Variants in NCKAP5 observed in about 807,000 individuals in gnomAD.
The protein encoded by NCKAP5 is NCK associated protein 5, also known as nck-associated protein 5.
In NCKAP5, 92 loss-of-function variants were observed where a neutral mutation model predicts 167.0. That is an observed-to-expected ratio of 0.55 (90% CI 0.47 to 0.66). The LOEUF (loss-of-function observed/expected upper bound fraction) is 0.66. Among genes scored for constraint, NCKAP5 ranks in the 30% least tolerant of loss-of-function variants. The probability of loss-of-function intolerance (pLI) is 0.00; values close to 1 mark genes in which losing one functional copy is unlikely to be tolerated. For synonymous variants in NCKAP5, 891 were observed against 877.4 expected, an observed-to-expected ratio of 1.02 and a Z score of -0.27; for missense variants, 2,378 against 2,315.0, an observed-to-expected ratio of 1.03 and a Z score of -0.56.
intron 10 of NCKAP5, among the ~76,000 whole-genome samples, chr2:132,864,352 G>A (rs1690171854): frequency 1.3e-5 from 2 of 149,958 alleles, no homozygotes; most frequent in East Asian, 1.9e-4. Context: ...TTAATATCAT[G>A]AAAAAAAAAA....
At chr2:132,959,271 G>GA (rs1336653794) in intron 8 of NCKAP5, among the ~76,000 whole-genome samples, 1 of 151,984 alleles carries the variant, frequency 6.6e-6, no homozygotes, top group East Asian at 1.9e-4. Context: ...TAATTGAGTA[G>GA]AAAAAGCTGT....
At chr2:132,932,063 C>A (rs527927849) in intron 8 of NCKAP5, among the ~76,000 whole-genome samples, 6 of 152,328 alleles carry the variant, frequency 3.9e-5, no homozygotes, top group African/African-American at 1.4e-4. Flanking sequence ...AGTTCCCACT[C>A]AGGGCGCTCC....
At chr2:132,962,365 G>A (rs1391002150) in intron 8 of NCKAP5, among the ~76,000 whole-genome samples, 1 of 151,862 alleles carries the variant, frequency 6.6e-6, no homozygotes, top group Non-Finnish European at 1.5e-5. Context: ...AGAGGCATGG[G>A]GAGCCTAAGT....
At chr2:132,998,577 C>A (rs573965036) in intron 6 of NCKAP5, among the ~76,000 whole-genome samples, 13 of 152,172 alleles carry the variant, frequency 8.5e-5, no homozygotes, top group African/African-American at 2.9e-4. Flanking sequence ...TAAGAATATG[C>A]CATTATTTAC....
chr2:133,397,250 A>G (rs1299737772), intron 3 of NCKAP5, among the ~76,000 whole-genome samples: 1 of 152,200 alleles, frequency 6.6e-6, no homozygotes, highest in Non-Finnish European at 1.5e-5. Context: ...CTGTTCACCC[A>G]ACTCTATAGA....
chr2:133,477,874 T>C (rs1256659918), intron 3 of NCKAP5, among the ~76,000 whole-genome samples: 2 of 152,188 alleles, frequency 1.3e-5, no homozygotes, highest in African/African-American at 4.8e-5. Flanking sequence ...TTTTTCAGGC[T>C]ACTCAGAAAG....
At chr2:132,716,589 C>T (rs900412148) in intron 19 of NCKAP5, among the ~76,000 whole-genome samples, 12 of 151,950 alleles carry the variant, frequency 7.9e-5, no homozygotes, top group African/African-American at 2.4e-4. Flanking sequence ...GGGGGTAACA[C>T]TGGGGGTTCG....
At chr2:133,574,220 G>A in the NCKAP5 span, among the ~76,000 whole-genome samples, 1 of 152,182 alleles carries the variant, frequency 6.6e-6, no homozygotes, top group Non-Finnish European at 1.5e-5. Context: ...TGTTGACAGT[G>A]GGTTCCCTGT....
At chr2:133,647,985 C>T in the NCKAP5 span, among the ~76,000 whole-genome samples, 2 of 151,876 alleles carry the variant, frequency 1.3e-5, no homozygotes, top group East Asian at 3.9e-4. Context: ...TAAATGCTGT[C>T]TATAAGAAAT....
At chr2:133,122,835 T>C (rs1266127714) in intron 6 of NCKAP5, 1 of 152,222 alleles carries the variant, frequency 6.6e-6, no homozygotes, top group Non-Finnish European at 1.5e-5. Context: ...AATGTGAAAT[T>C]ATTACTTCAC....
At chr2:133,147,492 G>C (rs1164795643) in intron 5 of NCKAP5, among the ~76,000 whole-genome samples, 1 of 152,092 alleles carries the variant, frequency 6.6e-6, no homozygotes, top group East Asian at 1.9e-4. Flanking sequence ...AGCTCCAGAA[G>C]GTATAAAATT....
At chr2:132,743,828 T>C (rs925591321) in intron 16 of NCKAP5, among the ~76,000 whole-genome samples, 4 of 150,920 alleles carry the variant, frequency 2.7e-5, no homozygotes, top group Admixed American at 1.3e-4. Flanking sequence ...AAAAAACAGA[T>C]AGGTGAAAAG....
intron 11 of NCKAP5, among the ~76,000 whole-genome samples, chr2:132,856,746 T>C (rs1196817414): frequency 6.6e-6 from 1 of 152,206 alleles, no homozygotes; most frequent in Non-Finnish European, 1.5e-5. Flanking sequence ...ATTGGGATTG[T>C]ACTGCAGAAG....
chr2:132,961,944 CT>C (rs1207359954), intron 8 of NCKAP5, among the ~76,000 whole-genome samples: 1 of 152,118 alleles, frequency 6.6e-6, no homozygotes, highest in East Asian at 1.9e-4. Flanking sequence ...CTCAGTTTCC[CT>C]TGAGAAAGCT....
At chr2:133,480,634 A>G (rs1335933146) in intron 3 of NCKAP5, among the ~76,000 whole-genome samples, 5 of 152,218 alleles carry the variant, frequency 3.3e-5, no homozygotes. Flanking sequence ...TCTACTCTTC[A>G]GAAGGTACCA....
At chr2:133,629,032 C>A in the NCKAP5 span, among the ~76,000 whole-genome samples, 1 of 152,154 alleles carries the variant, frequency 6.6e-6, no homozygotes, top group Non-Finnish European at 1.5e-5. Context: ...ACTATAGAAA[C>A]CCTAGAAGAA....
At chr2:133,361,063 T>C (rs923866823) in intron 3 of NCKAP5, among the ~76,000 whole-genome samples, 1 of 151,714 alleles carries the variant, frequency 6.6e-6, no homozygotes. Flanking sequence ...CTGAGGTCTT[T>C]AGAGGAAGTC....
At chr2:132,747,998 T>C (rs1679792360) in intron 16 of NCKAP5, among the ~76,000 whole-genome samples, 1 of 152,194 alleles carries the variant, frequency 6.6e-6, no homozygotes, top group South Asian at 2.1e-4. Context: ...TGGTGGAAAG[T>C]AACATGTTAA....
chr2:132,789,574 T>C (rs4953989), intron 13 of NCKAP5, among the ~76,000 whole-genome samples: 97,377 of 152,070 alleles, frequency 0.64, 32,499 homozygotes, highest in East Asian at 0.89. Flanking sequence ...TTTCTATTCT[T>C]GTGTGCTCTT....
Sources: gnomAD v4.1 joint callset for allele counts (sites outside exome capture counted in the v4.1 genomes callset) on GRCh38, gnomAD v4.1.1 for gene constraint, MANE v1.5 for transcripts, NCBI Gene and HGNC (gene_info 2026-07-23, HGNC 2026-07-21) for gene names.